The following PDSS2 variants were observed in gnomAD, a reference collection of about 807,000 sequenced individuals.
PDSS2 encodes the protein all trans-polyprenyl-diphosphate synthase PDSS2.
Under a neutral mutation model 44.5 loss-of-function variants are expected in PDSS2, and 31 were observed. That is an observed-to-expected ratio of 0.70 (90% CI 0.52 to 0.94). The LOEUF (loss-of-function observed/expected upper bound fraction) is 0.94. Among genes scored for constraint, PDSS2 ranks in the 40% least tolerant of loss-of-function variants. The pLI, the probability that PDSS2 is intolerant of heterozygous loss-of-function variation, is 0.00. For missense variants in PDSS2, 452 were observed against 482.2 expected, an observed-to-expected ratio of 0.94 and a Z score of 0.59; for synonymous variants, 157 against 180.3, an observed-to-expected ratio of 0.87 and a Z score of 1.03.
At chr6:107,457,261 G>C (rs1468918119) in intron 1 of PDSS2, among the ~76,000 whole-genome samples, 1 of 152,122 alleles carries the variant, frequency 6.6e-6, no homozygotes, top group Admixed American at 6.5e-5. Flanking sequence ...TATCTTAACT[G>C]TATCAACATA....
Position 107,364,293 on chromosome 6 carries a change from G to A in PDSS2, c.297-29961C>T, listed in dbSNP as rs1196737228. Among the ~76,000 whole-genome samples the A allele has an allele frequency of 2.6e-5, 4 of 152,226 alleles. No homozygotes were observed. In the East Asian group the frequency reaches 7.7e-4, roughly 29 times the overall value. On this transcript the variant is annotated intron_variant, in intron 1 of 7. Coordinates refer to ENST00000369037, the MANE Select transcript of PDSS2 (RefSeq NM_020381.4). ...ATGGGACTGGGCGCCGTGGAGTAGG[G>A]AGTGGTGCTGGTCGGGGAGGTTCGG...
intron 7 of PDSS2, among the ~76,000 whole-genome samples, chr6:107,168,422 C>G (rs1378395760): frequency 6.6e-6 from 1 of 152,186 alleles, no homozygotes; most frequent in African/African-American, 2.4e-5. Context: ...GGTCTTGACT[C>G]TTTATCCAAT....
chr6:107,270,748 T>C (rs907733361), intron 3 of PDSS2, among the ~76,000 whole-genome samples: 1 of 152,340 alleles, frequency 6.6e-6, no homozygotes, highest in African/African-American at 2.4e-5. Flanking sequence ...ATTGAACTTT[T>C]AAACTGAATT....
chr6:107,345,593 T>C (rs1462187740), intron 1 of PDSS2, among the ~76,000 whole-genome samples: 3 of 150,842 alleles, frequency 2.0e-5, no homozygotes, highest in African/African-American at 7.3e-5. Context: ...AATCAGGAAG[T>C]TGGGGGAAAT....
intron 7 of PDSS2, among the ~76,000 whole-genome samples, chr6:107,179,370 T>G (rs1431113434): frequency 6.6e-6 from 1 of 151,934 alleles, no homozygotes; most frequent in Non-Finnish European, 1.5e-5. Flanking sequence ...TGCCTCTGCC[T>G]CCCGGGTTCA....
At chr6:107,221,377 C>T (rs971509843) in intron 4 of PDSS2, among the ~76,000 whole-genome samples, 1 of 144,742 alleles carries the variant, frequency 6.9e-6, no homozygotes, top group African/African-American at 2.5e-5. Flanking sequence ...AAAGATACAC[C>T]TATATCATCA....
At chr6:107,347,763 T>C (rs752331226) in intron 1 of PDSS2, among the ~76,000 whole-genome samples, 2 of 152,172 alleles carry the variant, frequency 1.3e-5, no homozygotes, top group Admixed American at 1.3e-4. Flanking sequence ...AGACAAGATA[T>C]CTGTATTTGA....
chr6:107,398,488 GCCA>G (rs1406233521), intron 1 of PDSS2, among the ~76,000 whole-genome samples: 1 of 152,024 alleles, frequency 6.6e-6, no homozygotes, highest in African/African-American at 2.4e-5. Flanking sequence ...ACAGATATAA[GCCA>G]CAAAAGCAAA....
At chr6:107,384,240 A>G (rs1046745209) in intron 1 of PDSS2, among the ~76,000 whole-genome samples, 3 of 152,330 alleles carry the variant, frequency 2.0e-5, no homozygotes, top group African/African-American at 7.2e-5. Context: ...TAGTGGGTAA[A>G]TAGGTGGTGA....
At chr6:107,160,097 T>C (rs1333458000) in intron 7 of PDSS2, among the ~76,000 whole-genome samples, 1 of 152,080 alleles carries the variant, frequency 6.6e-6, no homozygotes, top group African/African-American at 2.4e-5. Context: ...GCACCTGTAG[T>C]CCCAGCTACT....
At chr6:107,229,393 C>A (rs1196188996) in intron 4 of PDSS2, among the ~76,000 whole-genome samples, 1 of 152,066 alleles carries the variant, frequency 6.6e-6, no homozygotes, top group Non-Finnish European at 1.5e-5. Context: ...CACCATAAGC[C>A]AGGCTGGTCT....
chr6:107,263,805 A>G (rs935076944), intron 3 of PDSS2, among the ~76,000 whole-genome samples: 2 of 152,226 alleles, frequency 1.3e-5, no homozygotes, highest in African/African-American at 4.8e-5. Flanking sequence ...AAACTGAAGA[A>G]GCTAATTTTG....
At chr6:107,169,864 C>A (rs566899242) in intron 7 of PDSS2, among the ~76,000 whole-genome samples, 5 of 152,108 alleles carry the variant, frequency 3.3e-5, no homozygotes, top group African/African-American at 1.2e-4. Context: ...GGTACCCGGC[C>A]GTGTGAGGTG....
intron 1 of PDSS2, among the ~76,000 whole-genome samples, chr6:107,441,196 A>G (rs1781499731): frequency 6.6e-6 from 1 of 152,226 alleles, no homozygotes; most frequent in African/African-American, 2.4e-5. Context: ...GCAAGATAAA[A>G]GAAGGGAGAA....
intron 7 of PDSS2, among the ~76,000 whole-genome samples, chr6:107,166,554 C>T (rs1304120747): frequency 1.4e-4 from 22 of 151,998 alleles, no homozygotes; most frequent in Middle Eastern, 3.4e-3. Flanking sequence ...TTAGTAGAGA[C>T]GGGGTTTCAC....
rs116034782 is a variant in PDSS2 at position 107,158,880 on chromosome 6, C to T, written c.1042-4103G>A. ...AGTAGCTGGGATTACAGGTGCCCAC[C>T]GCCACACCCAGTCAATTTTTATATT... On this transcript the variant is annotated intron_variant, in intron 7 of 7. Coordinates refer to ENST00000369037, the MANE Select transcript of PDSS2 (RefSeq NM_020381.4). 1.0e-3 allele frequency among the ~76,000 whole-genome samples: 153 copies of T among 152,164 alleles called. 1 individual carries two copies. The highest frequency in any genetic ancestry group is 3.4e-3 in the African/African-American group (141 of 41,538).
intron 7 of PDSS2, among the ~76,000 whole-genome samples, chr6:107,172,602 C>G (rs1554248870): frequency 1.3e-5 from 2 of 152,034 alleles, no homozygotes; most frequent in African/African-American, 4.8e-5. Flanking sequence ...GACAAAGGAG[C>G]ATTCTGAAAC....
At chr6:107,263,436 G>A (rs573274019) in intron 3 of PDSS2, among the ~76,000 whole-genome samples, 10 of 150,100 alleles carry the variant, frequency 6.7e-5, no homozygotes, top group African/African-American at 2.2e-4. Context: ...CTGGGTGACA[G>A]AGCAAGACTG....
intron 1 of PDSS2, among the ~76,000 whole-genome samples, chr6:107,421,291 T>A (rs754528611): frequency 6.6e-6 from 1 of 152,182 alleles, no homozygotes; most frequent in Non-Finnish European, 1.5e-5. Flanking sequence ...CAATTTCTTA[T>A]GAAATTGAAC....
Sources: allele counts gnomAD v4.1 joint callset (sites outside exome capture counted in the v4.1 genomes callset), GRCh38; gene constraint gnomAD v4.1.1; transcripts MANE v1.5; gene names NCBI Gene and HGNC (gene_info 2026-07-23, HGNC 2026-07-21).